Variants in AHR observed in about 807,000 individuals in gnomAD.
The protein encoded by AHR is AH-receptor.
In AHR, 40 loss-of-function variants were observed where a neutral mutation model predicts 86.8. That is an observed-to-expected ratio of 0.46 (90% CI 0.36 to 0.60). The LOEUF is 0.60. Ranked by LOEUF, AHR falls within the 20% of genes least tolerant of loss-of-function variation. The probability of loss-of-function intolerance (pLI) is 0.00; values close to 1 mark genes in which losing one functional copy is unlikely to be tolerated. For synonymous variants in AHR, 398 were observed against 354.9 expected (o/e 1.12, Z -1.37); for missense variants, 1,001 against 1,011.6 (o/e 0.99, Z 0.14).
chr7:17,322,627 G>A lies in AHR; in HGVS notation c.360+20G>A. The A allele has an allele frequency of 1.4e-6, 2 of 1,433,638 alleles. No homozygotes were observed. Among genetic ancestry groups the A allele is most frequent in the Non-Finnish European group, 2.0e-6 (2 of 1,020,910 alleles). The allele number at this position is 1,433,638 out of a possible 1,614,324, so 88.8% of individuals were successfully genotyped here. A position where few individuals can be genotyped will look rare whatever the true frequency, so the allele number is the denominator to read the frequency against. ...TTACAGGTAAATTTTAGTAAATATA[G>A]TTTCTTACACTAAGGACAGTTGTAA... is the stretch of plus-strand genomic sequence containing the variant. On this transcript the variant is annotated intron_variant, in intron 3 of 10. Transcript: ENST00000242057.
rs148360742 is a variant in AHR, at chr7:17,310,099, C to A, written c.229C>A (p.Leu77Met). 5 of 1,613,786 alleles carry A rather than the reference C, an allele frequency of 3.1e-6. No homozygotes were observed. Among genetic ancestry groups the A allele is most frequent in the Admixed American group, 3.3e-5 (2 of 60,006 alleles). The change falls in exon 2 of 11, where the codon CTG (leucine) becomes ATG (methionine). Residue 77 changes from leucine to methionine, a missense_variant. Transcript: ENST00000242057. ...AGTTCTTAGGCTCAGCGTCAGTTAC[C>A]TGAGAGCCAAGAGCTTCTTTGATGG... ...LSVLRLSVSY[L>M]RAKSFFDVAL...
intron 1 of AHR, among the ~76,000 whole-genome samples, chr7:17,304,845 T>C (rs1457275596): frequency 6.6e-6 from 1 of 152,070 alleles, no homozygotes; most frequent in East Asian, 1.9e-4. Context: ...ACTTAAAATT[T>C]TTTTGGTAAT....
chr7:17,307,519 G>T (rs1222662129), intron 1 of AHR, among the ~76,000 whole-genome samples: 1 of 152,160 alleles, frequency 6.6e-6, no homozygotes, highest in Non-Finnish European at 1.5e-5. Flanking sequence ...TGTTGTAACT[G>T]TAAGTAATTT....
At chr7:17,313,077 C>T (rs1245387452) in intron 2 of AHR, among the ~76,000 whole-genome samples, 2 of 151,862 alleles carry the variant, frequency 1.3e-5, no homozygotes, top group Non-Finnish European at 2.9e-5. Context: ...TAAGCAGTTT[C>T]TTAGATTGTT....
intron 4 of AHR, chr7:17,329,727 G>A: frequency 6.2e-6 from 2 of 321,712 alleles, no homozygotes; most frequent in Non-Finnish European, 5.8e-6. Context: ...CATTCATGTT[G>A]GGAACTGATG....
chr7:17,330,262 GA>G (rs1782273456), intron 5 of AHR, among the ~76,000 whole-genome samples, 187 bp downstream of exon 5: 1 of 151,874 alleles, frequency 6.6e-6, no homozygotes, highest in African/African-American at 2.4e-5. Flanking sequence ...TTTGGCAAAT[GA>G]GAGCCATTTA....
intron 2 of AHR, among the ~76,000 whole-genome samples, chr7:17,321,642 A>G (rs1408903704): frequency 6.6e-6 from 1 of 151,668 alleles, no homozygotes. Flanking sequence ...AAGAAGAGAT[A>G]GCATTATAAC....
In AHR at chr7:17,339,811, C is replaced by T. The variant is rs372915488; in HGVS notation, c.1986C>T (p.Phe662=). The change falls in exon 10 of 11, where the codon TTC becomes TTT. Residue 662 remains phenylalanine, a synonymous_variant. Coordinates refer to ENST00000242057, the MANE Select transcript of AHR (RefSeq NM_001621.5). ...GGAACTCTAACCAATTCGTGCCTTT[C>T]AATTGTCCACAGCAAGACCCACAAC... ...ENWNSNQFVP[F]NCPQQDPQQY... 83 of 1,614,070 alleles carry T rather than the reference C, an allele frequency of 5.1e-5. No homozygotes were observed. Among genetic ancestry groups the T allele is most frequent in the Non-Finnish European group, 6.8e-5 (80 of 1,180,040 alleles).
chr7:17,314,411 G>A (rs1377618317), intron 2 of AHR, among the ~76,000 whole-genome samples: 2 of 152,010 alleles, frequency 1.3e-5, no homozygotes, highest in Non-Finnish European at 2.9e-5. Flanking sequence ...ATTATGTGAT[G>A]ATCTAACATT....
chr7:17,341,108 A>G (rs1782419031), intron 10 of AHR, among the ~76,000 whole-genome samples: 1 of 152,192 alleles, frequency 6.6e-6, no homozygotes, highest in Non-Finnish European at 1.5e-5. Context: ...GTTTAGTTTT[A>G]AAGAATATCT....
At chr7:17,333,084 C>A (rs1404653757) in intron 6 of AHR, among the ~76,000 whole-genome samples, 4 of 151,926 alleles carry the variant, frequency 2.6e-5, no homozygotes, top group Non-Finnish European at 5.9e-5. Context: ...GAACAAAAGG[C>A]TATACTGTAT....
rs1782070295 is a variant in AHR at position 17,312,042 on chromosome 7, T to TG, written c.253+1921dup. 4.6e-5 allele frequency among the ~76,000 whole-genome samples: 7 copies of TG among 152,308 alleles called. No homozygotes were observed. In the South Asian group the frequency reaches 1.5e-3, roughly 32 times the overall value. On this transcript the variant is annotated intron_variant, in intron 2 of 10. Coordinates refer to ENST00000242057, the MANE Select transcript of AHR (RefSeq NM_001621.5). Reference sequence around the variant, plus strand: ...AACCCTAGACCTGTGGAATCTAAGGTGGTGGGACCTTTGGTGATAGGGCTA... The same window carrying TG: ...AACCCTAGACCTGTGGAATCTAAGGTGGGTGGGACCTTTGGTGATAGGGCTA...
Position 17,339,504 on chromosome 7 carries a change from A to C in AHR, c.1679A>C (p.Lys560Thr), listed in dbSNP as rs1183193424. ...GACATCAGACACATGCAGAATGAAA[A>C]ATTTTTCAGAAATGATTTTTCTGGT... Reference protein sequence around the residue: ...FEDIRHMQNEKFFRNDFSGEV... With the variant: ...FEDIRHMQNETFFRNDFSGEV... The change falls in exon 10 of 11, where the codon AAA (lysine) becomes ACA (threonine). Residue 560 changes from lysine to threonine, a missense_variant. Lys to Thr is a moderately conservative substitution (Grantham distance 78, BLOSUM62 -1). This residue lies in a region of AHR where 607 missense variants were observed against 543.1 expected (regional missense o/e 1.12). Coordinates refer to ENST00000242057, the MANE Select transcript of AHR (RefSeq NM_001621.5). 3 of 1,614,016 alleles carry C rather than the reference A, an allele frequency of 1.9e-6. No individual in the cohort carries two copies. Among genetic ancestry groups the C allele is most frequent in the Admixed American group, 1.7e-5 (1 of 59,992 alleles).
chr7:17,339,455 A>T lies in AHR; in HGVS notation c.1630A>T (p.Lys544Ter). ...SKNSDLYSIMKNLGIDFEDIR... is the reference protein window; with the variant it reads ...SKNSDLYSIM The stretch of plus-strand genomic sequence containing the variant: ...AAACAGTGACTTGTACAGCATAATG[A>T]AAAACCTAGGCATTGATTTTGAAGA... The change falls in exon 10 of 11, where the codon AAA (lysine) becomes TAA (stop). Residue 544 changes from lysine to a stop codon, truncating the protein, a stop_gained. Transcript: ENST00000242057. LOFTEE classifies it high-confidence loss of function. 1 of 1,614,196 alleles carries T rather than the reference A, an allele frequency of 6.2e-7. No homozygotes were observed. Among genetic ancestry groups the T allele is most frequent in the Non-Finnish European group, 8.5e-7 (1 of 1,180,020 alleles).
At chr7:17,329,194 G>A (rs966724934) in intron 4 of AHR, among the ~76,000 whole-genome samples, 1 of 151,776 alleles carries the variant, frequency 6.6e-6, no homozygotes, top group African/African-American at 2.4e-5. Context: ...GTATGCAGTC[G>A]AGACAGTGGA....
intron 1 of AHR, among the ~76,000 whole-genome samples, chr7:17,301,288 T>C (rs557587130): frequency 6.6e-6 from 1 of 152,174 alleles, no homozygotes; most frequent in South Asian, 2.1e-4. Context: ...AATGAAAAAT[T>C]GTTAACTTTA....
At position 17,340,167 on chromosome 7, in the gene AHR, C is replaced by A. The variant is rs781710007; in HGVS notation, c.2342C>A (p.Thr781Asn). Residue 781 changes from threonine to asparagine, a missense_variant, in exon 10 of 11, where the codon ACC (threonine) becomes AAC (asparagine). Transcript: ENST00000242057. ...CAGTGCCAGCCAGAACCTCAGCACA[C>A]CCACGTGGGTCAGATGCAGTACAAT... ...MYQCQPEPQHTHVGQMQYNPV... is the reference protein window; with the variant it reads ...MYQCQPEPQHNHVGQMQYNPV... 6.8e-6 allele frequency: 11 copies of A among 1,614,066 alleles called. No homozygotes were observed. Among genetic ancestry groups the A allele is most frequent in the Admixed American group, 3.3e-5 (2 of 60,010 alleles).
rs920957520 is a variant in AHR at position 17,335,760 on chromosome 7, T to C, written c.1134T>C (p.Tyr378=). ...TTTATAAAAATGGAAGACCAGATTA[T>C]ATCATTGTAACTCAGAGACCACTAA... The part of the protein sequence containing the change: ...RLLYKNGRPD[Y]IIVTQRPLTD... The change falls in exon 9 of 11, where the codon TAT becomes TAC. Residue 378 remains tyrosine (Y), a synonymous_variant. Coordinates refer to ENST00000242057, the MANE Select transcript of AHR (RefSeq NM_001621.5). 1.2e-5 allele frequency: 20 copies of C among 1,613,040 alleles called. No individual in the cohort carries two copies. The highest frequency in any genetic ancestry group is 1.6e-5 in the Non-Finnish European group (19 of 1,179,534).
intron 3 of AHR, 28 bp downstream of exon 3, chr7:17,322,635 C>G: frequency 7.5e-7 from 1 of 1,336,638 alleles, no homozygotes; most frequent in Non-Finnish European, 1.1e-6. Flanking sequence ...TAGTTTCTTA[C>G]ACTAAGGACA....
Sources: allele counts gnomAD v4.1 joint callset (sites outside exome capture counted in the v4.1 genomes callset), GRCh38; gene constraint gnomAD v4.1.1; regional missense constraint gnomAD v4.1.1; transcripts MANE v1.5; gene names NCBI Gene and HGNC (gene_info 2026-07-23, HGNC 2026-07-21).